Variants in SPNS3 observed in about 807,000 individuals in gnomAD.
The protein encoded by SPNS3 is protein spinster homolog 3.
In SPNS3, 51 loss-of-function variants were observed where a neutral mutation model predicts 54.4. The observed-to-expected ratio is 0.94, with a 90% confidence interval of 0.75 to 1.18. The LOEUF is 1.18. SPNS3 is among the 50% of genes most tolerant of loss of function. The pLI is 0.00. For synonymous variants in SPNS3, 309 were observed against 294.7 expected (o/e 1.05, Z -0.50); for missense variants, 669 against 677.4 (o/e 0.99, Z 0.14).
Position 4,486,472 on chromosome 17 carries a change from C to A in SPNS3, c.1339C>A (p.Gln447Lys), listed in dbSNP as rs1972319186. 1.9e-6 allele frequency: 3 copies of A among 1,613,502 alleles called. No individual in the cohort carries two copies. Among genetic ancestry groups the A allele is most frequent in the Non-Finnish European group, 2.5e-6 (3 of 1,179,892 alleles). ...DSYLQRFRSL[Q>K]QSFLCCAFVI... Reference sequence around the variant, plus strand: ...CTATCTGCAGCGCTTCCGCAGCCTGCAGCAGAGCTTCCTGTGCTGCGCCTT... The same window carrying A: ...CTATCTGCAGCGCTTCCGCAGCCTGAAGCAGAGCTTCCTGTGCTGCGCCTT... Residue 447 changes from glutamine to lysine, a missense_variant, in exon 11 of 12, where the codon CAG becomes AAG. Coordinates refer to ENST00000355530, the MANE Select transcript of SPNS3 (RefSeq NM_182538.5). This position sits in a 1 kb window ranked among gnomAD's most constrained non-coding sequence, Gnocchi z 5.5.
At chr17:4,477,180 G>A (rs537616745) in intron 8 of SPNS3, among the ~76,000 whole-genome samples, 7 of 152,210 alleles carry the variant, frequency 4.6e-5, no homozygotes, top group Non-Finnish European at 8.8e-5. Flanking sequence ...GGTGGGGGGC[G>A]CTCACCAGGA....
chr17:4,438,016 T>C (rs1055719010), intron 1 of SPNS3, among the ~76,000 whole-genome samples: 1 of 152,222 alleles, frequency 6.6e-6, no homozygotes, highest in Non-Finnish European at 1.5e-5. Context: ...CTTGATCTCC[T>C]GACCTCAAGA....
chr17:4,462,182 C>CACCAATCT (rs1567566160), intron 8 of SPNS3, among the ~76,000 whole-genome samples: 2 of 328 alleles, frequency 6.1e-3, no homozygotes, highest in Non-Finnish European at 0.042. Context: ...TCCATCCATC[C>CACCAATCT]ATCCATCCAT....
chr17:4,461,361 C>CTTTTTTTT lies in SPNS3; in HGVS notation c.1113+8175_1113+8182dup, dbSNP rs55928003. ...TATTTGCTTTCTTTTCTTTTCTTTT[C>CTTTTTTTT]TTTTTTTTTTTTTTTTTTTTTTTTT... On this transcript the variant is annotated intron_variant, in intron 8 of 11. Transcript: ENST00000355530. Among the ~76,000 whole-genome samples, 107 of 33,414 alleles carry CTTTTTTTT rather than the reference C, an allele frequency of 3.2e-3. 13 individuals carry two copies. The highest frequency in any genetic ancestry group is 0.056 in the Middle Eastern group (1 of 18). 21.9% of individuals were successfully genotyped at this position (33,414 alleles called of 152,430 possible).
chr17:4,466,863 A>T (rs550519646), intron 8 of SPNS3, among the ~76,000 whole-genome samples: 1 of 152,194 alleles, frequency 6.6e-6, no homozygotes, highest in Non-Finnish European at 1.5e-5. Flanking sequence ...ACAAACAAAC[A>T]CCATAGTATG....
At chr17:4,450,014 C>T (rs571642047) in intron 7 of SPNS3, among the ~76,000 whole-genome samples, 1 of 151,988 alleles carries the variant, frequency 6.6e-6, no homozygotes, top group South Asian at 2.1e-4. Context: ...ATCCTTCAAT[C>T]CTCCCTTCCT....
chr17:4,469,572 T>C (rs1027445323), intron 8 of SPNS3, among the ~76,000 whole-genome samples: 6 of 139,934 alleles, frequency 4.3e-5, no homozygotes, highest in African/African-American at 1.6e-4. Context: ...TGAGCCAGGA[T>C]CGCGCCACTG....
In SPNS3 at chr17:4,461,361, C is replaced by CTTTTTTTTTTTT. The variant is rs55928003; in HGVS notation, c.1113+8171_1113+8182dup. Among the ~76,000 whole-genome samples the CTTTTTTTTTTTT allele has an allele frequency of 3.6e-3, 119 of 33,414 alleles. 18 individuals are homozygous for CTTTTTTTTTTTT. Among genetic ancestry groups the CTTTTTTTTTTTT allele is most frequent in the Non-Finnish European group, 5.1e-3 (84 of 16,578 alleles). 21.9% of individuals were successfully genotyped at this position (33,414 alleles called of 152,430 possible). ...TATTTGCTTTCTTTTCTTTTCTTTT[C>CTTTTTTTTTTTT]TTTTTTTTTTTTTTTTTTTTTTTTT... On this transcript the variant is annotated intron_variant, in intron 8 of 11. Transcript: ENST00000355530.
chr17:4,458,020 C>T (rs1409196405), intron 8 of SPNS3, among the ~76,000 whole-genome samples: 2 of 152,046 alleles, frequency 1.3e-5, no homozygotes, highest in East Asian at 3.9e-4. Flanking sequence ...CGCCCCCACC[C>T]CTTGGCTCTG....
intron 9 of SPNS3, among the ~76,000 whole-genome samples, chr17:4,481,212 G>A (rs1972141026): frequency 6.6e-6 from 1 of 151,944 alleles, no homozygotes; most frequent in South Asian, 2.1e-4. Context: ...AGCAGAGAGG[G>A]GCAAGCAGGA....
chr17:4,434,696 C>T (rs990035578), intron 1 of SPNS3, among the ~76,000 whole-genome samples: 15 of 151,428 alleles, frequency 9.9e-5, no homozygotes, highest in East Asian at 7.8e-4. Context: ...GGAGTAGGGA[C>T]GGGGTTTTAC....
chr17:4,472,774 C>CAT (rs1567572187), intron 8 of SPNS3, among the ~76,000 whole-genome samples: 9 of 50,942 alleles, frequency 1.8e-4, no homozygotes, highest in African/African-American at 4.4e-4. Context: ...GCTTGGCAGC[C>CAT]TTTTTTTTTT....
chr17:4,451,221 T>G (rs1339764907), intron 7 of SPNS3, among the ~76,000 whole-genome samples: 1 of 150,282 alleles, frequency 6.7e-6, no homozygotes, highest in Non-Finnish European at 1.5e-5. Flanking sequence ...CTGGGAAGGT[T>G]TAGAAAGCAC....
intron 9 of SPNS3, among the ~76,000 whole-genome samples, chr17:4,482,880 TC>T (rs985179314): frequency 6.6e-6 from 1 of 152,072 alleles, no homozygotes; most frequent in African/African-American, 2.4e-5. Flanking sequence ...GGAGGGAGGA[TC>T]CCAGGGGCAC....
chr17:4,470,638 C>T (rs997727522), intron 8 of SPNS3, among the ~76,000 whole-genome samples: 2 of 152,136 alleles, frequency 1.3e-5, no homozygotes, highest in Non-Finnish European at 2.9e-5. Flanking sequence ...GGGCCCTAGG[C>T]AGCTGCTAAA....
intron 8 of SPNS3, among the ~76,000 whole-genome samples, chr17:4,457,297 C>G (rs970818247): frequency 8.5e-5 from 13 of 152,196 alleles, no homozygotes; most frequent in African/African-American, 2.9e-4. Flanking sequence ...GAGGCTGAGG[C>G]TGGAGAATTG....
At chr17:4,448,441 C>A in intron 6 of SPNS3, 138 bp downstream of exon 6, 3 of 828,314 alleles carry the variant, frequency 3.6e-6, no homozygotes, top group Non-Finnish European at 5.2e-6. Flanking sequence ...CCTCTGAGAT[C>A]GCACTTACCA....
intron 8 of SPNS3, among the ~76,000 whole-genome samples, 198 bp from the exon 9 acceptor site, chr17:4,478,374 G>A (rs1972065589): frequency 6.6e-6 from 1 of 152,156 alleles, no homozygotes; most frequent in African/African-American, 2.4e-5. Context: ...TCGCTTATGG[G>A]TCCTGGCTCT....
rs1206420293 is a variant in SPNS3, at chr17:4,486,681, T to C, written c.1450+98T>C. 1.4e-5 allele frequency: 19 copies of C among 1,324,758 alleles called. No homozygotes were observed. Among genetic ancestry groups the C allele is most frequent in the Non-Finnish European group, 1.9e-5 (19 of 976,490 alleles). 82.1% of individuals were successfully genotyped at this position (1,324,758 alleles called of 1,614,324 possible). A position where few individuals can be genotyped will look rare whatever the true frequency, so the allele number is the denominator to read the frequency against. ...AATCCCTGGCCAGTTTGTTTGTTCA[T>C]TCATCCAGAAATGCTTAGTACACCC... On this transcript the variant is annotated intron_variant, in intron 11 of 11. Coordinates refer to ENST00000355530, the MANE Select transcript of SPNS3 (RefSeq NM_182538.5). This position sits in a 1 kb window ranked among gnomAD's most constrained non-coding sequence, Gnocchi z 5.5.
Sources: gnomAD v4.1 joint callset for allele counts (sites outside exome capture counted in the v4.1 genomes callset) on GRCh38, gnomAD v4.1.1 for gene constraint, Gnocchi (gnomAD v3.1) non-coding constraint, MANE v1.5 for transcripts, NCBI Gene and HGNC (gene_info 2026-07-23, HGNC 2026-07-21) for gene names.